LMBR1: variants seen among roughly 807,000 people sequenced by gnomAD.
LMBR1 encodes the protein limb development membrane protein 1.
Under a neutral mutation model 73.9 loss-of-function variants are expected in LMBR1, and 52 were observed. The observed-to-expected ratio is 0.70, with a 90% CI of 0.56 to 0.89. The LOEUF (loss-of-function observed/expected upper bound fraction) is 0.89, where lower values mean the gene tolerates loss of function less well. LMBR1 is among the 40% of genes least tolerant of loss of function. LMBR1 has a pLI of 0.00. For missense variants in LMBR1, 539 were observed against 579.8 expected, an observed-to-expected ratio of 0.93 and a Z score of 0.72; for synonymous variants, 215 against 209.4, an observed-to-expected ratio of 1.03 and a Z score of -0.23.
At chr7:156,684,208 G>C in intron 16 of LMBR1, 45 bp from the exon 17 acceptor site, 1 of 1,459,796 alleles carries the variant, frequency 6.9e-7, no homozygotes, top group Non-Finnish European at 9.6e-7. Context: ...ATATTGCTGA[G>C]TGGCTGGGAA....
intron 1 of LMBR1, among the ~76,000 whole-genome samples, chr7:156,854,725 T>C (rs925291805): frequency 9.2e-5 from 14 of 152,156 alleles, no homozygotes; most frequent in Non-Finnish European, 7.3e-5. Context: ...ATAGGCTCCA[T>C]AAAAGACTGA....
At chr7:156,732,015 T>C (rs1816926013) in intron 10 of LMBR1, among the ~76,000 whole-genome samples, 1 of 151,724 alleles carries the variant, frequency 6.6e-6, no homozygotes, top group Non-Finnish European at 1.5e-5. Context: ...GCAAATCTAA[T>C]ATCCACCAAC....
chr7:156,856,044 A>C (rs1796917715), intron 1 of LMBR1, among the ~76,000 whole-genome samples: 1 of 152,032 alleles, frequency 6.6e-6, no homozygotes, highest in Non-Finnish European at 1.5e-5. Flanking sequence ...AAATACAAAA[A>C]ATTAGCCGGG....
At chr7:156,715,836 C>T (rs950425290) in intron 15 of LMBR1, among the ~76,000 whole-genome samples, 1 of 152,180 alleles carries the variant, frequency 6.6e-6, no homozygotes, top group African/African-American at 2.4e-5. Flanking sequence ...ACGATGGACA[C>T]TTTGATTGTT....
intron 3 of LMBR1, among the ~76,000 whole-genome samples, chr7:156,827,443 A>G (rs111339035): frequency 0.032 from 4,842 of 152,252 alleles, 123 homozygotes; most frequent in South Asian, 0.085. Context: ...CACCAAATGC[A>G]TATTTATACA....
At chr7:156,696,339 T>A (rs1289842809) in intron 15 of LMBR1, among the ~76,000 whole-genome samples, 2 of 152,224 alleles carry the variant, frequency 1.3e-5, no homozygotes, top group African/African-American at 4.8e-5. Context: ...ACCAAGAATA[T>A]GTAAACAGCC....
chr7:156,849,265 G>A (rs925435213), intron 1 of LMBR1, among the ~76,000 whole-genome samples: 1 of 152,128 alleles, frequency 6.6e-6, no homozygotes, highest in African/African-American at 2.4e-5. Flanking sequence ...CACAAGAACA[G>A]GAAACCAAAT....
intron 5 of LMBR1, among the ~76,000 whole-genome samples, chr7:156,793,399 T>C (rs12535434): frequency 0.42 from 63,761 of 152,036 alleles, 13,585 homozygotes; most frequent in East Asian, 0.61. Context: ...AAATAACATG[T>C]CTTGATTAGC....
At chr7:156,715,150 C>T (rs1234285596) in intron 15 of LMBR1, among the ~76,000 whole-genome samples, 1 of 151,946 alleles carries the variant, frequency 6.6e-6, no homozygotes, top group Non-Finnish European at 1.5e-5. Context: ...TGGGGTTTCA[C>T]GATGTTGGCC....
intron 1 of LMBR1, among the ~76,000 whole-genome samples, chr7:156,841,448 A>T (rs909270451): frequency 6.6e-6 from 1 of 152,142 alleles, no homozygotes; most frequent in African/African-American, 2.4e-5. Flanking sequence ...AAGTATAGCC[A>T]GAGAAGAGAA....
At chr7:156,878,208 T>C (rs1800506310) in intron 1 of LMBR1, among the ~76,000 whole-genome samples, 1 of 152,050 alleles carries the variant, frequency 6.6e-6, no homozygotes, top group Non-Finnish European at 1.5e-5. Flanking sequence ...GCCACAGCAA[T>C]CAGACAAGAG....
intron 4 of LMBR1, among the ~76,000 whole-genome samples, chr7:156,800,270 A>G (rs1268729719): frequency 1.3e-5 from 2 of 152,164 alleles, no homozygotes; most frequent in African/African-American, 4.8e-5. Context: ...CAACAGGCTG[A>G]CTCACTTGTT....
chr7:156,872,073 A>C (rs141493654), intron 1 of LMBR1: 1 of 152,254 alleles, frequency 6.6e-6, no homozygotes, highest in African/African-American at 2.4e-5. Flanking sequence ...AGAACCAATA[A>C]ATTTAGCTTT....
chr7:156,700,043 G>A (rs1360133652), intron 15 of LMBR1, among the ~76,000 whole-genome samples: 1 of 152,154 alleles, frequency 6.6e-6, no homozygotes, highest in East Asian at 1.9e-4. Flanking sequence ...CCATTACTGG[G>A]TATATACTCA....
intron 5 of LMBR1, among the ~76,000 whole-genome samples, chr7:156,766,797 G>T (rs1218603671): frequency 6.6e-6 from 1 of 152,186 alleles, no homozygotes; most frequent in Non-Finnish European, 1.5e-5. Context: ...TGCTGGCTAG[G>T]TTGTCACTCC....
intron 15 of LMBR1, among the ~76,000 whole-genome samples, chr7:156,692,445 C>T (rs1159916304): frequency 6.6e-6 from 1 of 152,176 alleles, no homozygotes; most frequent in Admixed American, 6.5e-5. Context: ...TGGAGATATA[C>T]TTATTGACTT....
At chr7:156,804,654 T>C (rs1215299546) in intron 4 of LMBR1, among the ~76,000 whole-genome samples, 2 of 152,234 alleles carry the variant, frequency 1.3e-5, no homozygotes, top group Non-Finnish European at 2.9e-5. Context: ...ATGTCTTTTT[T>C]AGCTAAGTAT....
At chr7:156,765,842 T>C (rs1188310892) in intron 5 of LMBR1, among the ~76,000 whole-genome samples, 32 of 152,168 alleles carry the variant, frequency 2.1e-4, no homozygotes, top group Admixed American at 2.1e-3. Context: ...ATTATACCTG[T>C]AATATACATG....
At chr7:156,814,261 T>C (rs904851474) in intron 4 of LMBR1, among the ~76,000 whole-genome samples, 1 of 152,234 alleles carries the variant, frequency 6.6e-6, no homozygotes. Flanking sequence ...AAAGGAACAA[T>C]GTTTTGAGTT....
Sources: allele counts gnomAD v4.1 joint callset (sites outside exome capture counted in the v4.1 genomes callset), GRCh38; gene constraint gnomAD v4.1.1; transcripts MANE v1.5; gene names NCBI Gene and HGNC (gene_info 2026-07-23, HGNC 2026-07-21).